The following NBAS variants were observed in gnomAD, a reference collection of about 807,000 sequenced individuals.
NBAS encodes NAG/BC035112 fusion.
In NBAS, 219 loss-of-function variants were observed where a neutral mutation model predicts 302.5. The observed-to-expected ratio is 0.72, with a 90% CI of 0.65 to 0.81. NBAS has a LOEUF of 0.81. NBAS is among the 30% of genes least tolerant of loss of function. The pLI is 0.00. For missense variants in NBAS, 2,932 were observed against 2,841.6 expected (o/e 1.03, Z -0.72); for synonymous variants, 1,118 against 1,021.6 (o/e 1.09, Z -1.80).
chr2:14,797,985 G>C, the NBAS span, among the ~76,000 whole-genome samples: 2 of 152,134 alleles, frequency 1.3e-5, no homozygotes, highest in African/African-American at 2.4e-5. Flanking sequence ...GTTACTTCTA[G>C]TAACTTCCGT....
intron 41 of NBAS, among the ~76,000 whole-genome samples, chr2:15,291,049 A>G (rs1670282798): frequency 6.6e-6 from 1 of 152,268 alleles, no homozygotes; most frequent in African/African-American, 2.4e-5. Context: ...TTGCTATTTT[A>G]AAGTAATTTG....
chr2:15,231,811 G>A (rs1351179885), intron 47 of NBAS, among the ~76,000 whole-genome samples: 1 of 152,034 alleles, frequency 6.6e-6, no homozygotes, highest in Non-Finnish European at 1.5e-5. Context: ...TTGGGGAGAG[G>A]ACTTACATGG....
At chr2:14,927,254 T>C in the NBAS span, among the ~76,000 whole-genome samples, 2 of 152,242 alleles carry the variant, frequency 1.3e-5, no homozygotes, top group Non-Finnish European at 2.9e-5. Flanking sequence ...AATTTATTTC[T>C]CTATAAATAC....
At chr2:14,798,921 C>A in the NBAS span, among the ~76,000 whole-genome samples, 14 of 152,162 alleles carry the variant, frequency 9.2e-5, no homozygotes, top group East Asian at 2.5e-3. Context: ...TCATATATTT[C>A]ATTCCTGATA....
intron 51 of NBAS, chr2:15,177,996 T>G (rs973575530): frequency 1.4e-5 from 5 of 349,236 alleles, no homozygotes; most frequent in East Asian, 1.5e-4. Flanking sequence ...AATACAATTA[T>G]ATTCTGCTTT....
intron 28 of NBAS, among the ~76,000 whole-genome samples, chr2:15,392,299 TGTAGAG>T (rs1675647597): frequency 6.6e-6 from 1 of 151,316 alleles, no homozygotes; most frequent in African/African-American, 2.4e-5. Flanking sequence ...AAACTCACAT[TGTAGAG>T]GTAAAGAAAC....
At chr2:14,817,186 G>A in the NBAS span, among the ~76,000 whole-genome samples, 6 of 152,286 alleles carry the variant, frequency 3.9e-5, no homozygotes, top group East Asian at 1.2e-3. Context: ...GTTATTGCAT[G>A]TTGTCAAGAA....
chr2:14,962,960 A>C, the NBAS span, among the ~76,000 whole-genome samples: 1 of 152,086 alleles, frequency 6.6e-6, no homozygotes, highest in Non-Finnish European at 1.5e-5. Context: ...AAAAACAAAA[A>C]ACTGTTTTTT....
chr2:14,788,425 C>T, the NBAS span, among the ~76,000 whole-genome samples: 3 of 152,086 alleles, frequency 2.0e-5, no homozygotes, highest in Admixed American at 6.5e-5. Context: ...AGTTTTTCTG[C>T]TCTGTTTTTT....
In NBAS at chr2:15,328,366, G is replaced by A. The variant is rs1672174833; in HGVS notation, c.4348-54C>T. The A allele has an allele frequency of 3.5e-6, 5 of 1,433,246 alleles. No homozygotes were observed. The East Asian group carries it at 9.1e-5, about 26-fold the overall frequency. 88.8% of individuals were successfully genotyped at this position (1,433,246 alleles called of 1,614,324 possible). A position where few individuals can be genotyped will look rare whatever the true frequency, so the allele number is the denominator to read the frequency against. ...GATAAAAAGAAAGAGAAGGCAAGGAGGTAGAAGAAGTAAAAGCAAGGAAAG... is the reference window on the plus strand; with the variant it reads ...GATAAAAAGAAAGAGAAGGCAAGGAAGTAGAAGAAGTAAAAGCAAGGAAAG... On this transcript the variant is annotated intron_variant, in intron 36 of 51. Coordinates refer to ENST00000281513, the MANE Select transcript of NBAS (RefSeq NM_015909.4).
intron 9 of NBAS, among the ~76,000 whole-genome samples, chr2:15,530,187 T>A (rs1324423544): frequency 6.6e-6 from 1 of 152,192 alleles, no homozygotes; most frequent in Non-Finnish European, 1.5e-5. Flanking sequence ...AACAGTATTA[T>A]ATTTATTCAA....
intron 30 of NBAS, 103 bp from the exon 31 acceptor site, chr2:15,374,823 T>C (rs551103634): frequency 5.0e-4 from 483 of 975,438 alleles, no homozygotes; most frequent in Non-Finnish European, 7.1e-4. Flanking sequence ...ATCTACCACA[T>C]CCCAGGAATT....
the NBAS span, among the ~76,000 whole-genome samples, chr2:15,085,798 G>A: frequency 6.6e-6 from 1 of 152,184 alleles, no homozygotes. Flanking sequence ...TGGAGCAGGG[G>A]TGCACACGCT....
the NBAS span, among the ~76,000 whole-genome samples, chr2:14,975,990 T>C: frequency 6.6e-6 from 1 of 152,144 alleles, no homozygotes; most frequent in Non-Finnish European, 1.5e-5. Flanking sequence ...TAAACAGCTA[T>C]AAAACTGGGG....
intron 26 of NBAS, among the ~76,000 whole-genome samples, 175 bp from the exon 27 acceptor site, chr2:15,396,650 C>A (rs1675881298): frequency 6.6e-6 from 1 of 151,970 alleles, no homozygotes; most frequent in Non-Finnish European, 1.5e-5. Flanking sequence ...ATAAGAAATG[C>A]TAGAGTAGAA....
chr2:15,517,244 C>T (rs1320369856), intron 9 of NBAS, among the ~76,000 whole-genome samples: 8 of 152,090 alleles, frequency 5.3e-5, no homozygotes, highest in Non-Finnish European at 8.8e-5. Context: ...TATTTCTTCA[C>T]CCAGGTAATA....
the NBAS span, among the ~76,000 whole-genome samples, chr2:15,090,725 C>T: frequency 4.2e-4 from 64 of 152,306 alleles, no homozygotes; most frequent in South Asian, 8.3e-4. Flanking sequence ...GACATTTACA[C>T]GGACAAAATC....
chr2:14,806,933 G>A, the NBAS span, among the ~76,000 whole-genome samples: 4 of 152,128 alleles, frequency 2.6e-5, no homozygotes, highest in African/African-American at 9.7e-5. Context: ...GGGGGTACAT[G>A]TTCTACTCAG....
chr2:15,085,422 G>A, the NBAS span, among the ~76,000 whole-genome samples: 1 of 152,122 alleles, frequency 6.6e-6, no homozygotes. Context: ...AGTCAGGCCT[G>A]GGGCCCGATC....
Sources: allele counts gnomAD v4.1 joint callset (sites outside exome capture counted in the v4.1 genomes callset), GRCh38; gene constraint gnomAD v4.1.1; transcripts MANE v1.5; gene names NCBI Gene and HGNC (gene_info 2026-07-23, HGNC 2026-07-21).